The following VWA8 variants were observed in gnomAD, a reference collection of about 807,000 sequenced individuals.
The protein encoded by VWA8 is von Willebrand factor A domain containing 8.
Under a neutral mutation model 241.5 loss-of-function variants are expected in VWA8, and 221 were observed. That is an observed-to-expected ratio of 0.91 (90% confidence interval 0.82 to 1.02). The LOEUF is 1.02. VWA8 is among the 50% of genes least tolerant of loss of function. The pLI, the probability that VWA8 is intolerant of heterozygous loss-of-function variation, is 0.00. For missense variants in VWA8, 2,322 were observed against 2,328.7 expected (o/e 1.00, Z 0.06); for synonymous variants, 852 against 827.1 (o/e 1.03, Z -0.52).
intron 37 of VWA8, among the ~76,000 whole-genome samples, chr13:41,633,104 TAA>T (rs2044736170): frequency 6.6e-6 from 1 of 152,188 alleles, no homozygotes; most frequent in African/African-American, 2.4e-5. Context: ...ACACATGAAG[TAA>T]TCGTAATGTA....
At position 41,811,288 on chromosome 13, in the gene VWA8, C is replaced by T. The variant is rs753597681; in HGVS notation, c.2000G>A (p.Arg667His). 1.1e-5 allele frequency: 17 copies of T among 1,610,696 alleles called. No individual in the cohort carries two copies. Among genetic ancestry groups the T allele is most frequent in the South Asian group, 1.1e-5 (1 of 90,816 alleles). ...TTCATTAGGATACTGTGACAGCCGACGAGAAATTCGCAACAGTTGTCTGGT... is the reference window on the plus strand; with the variant it reads ...TTCATTAGGATACTGTGACAGCCGATGAGAAATTCGCAACAGTTGTCTGGT... ...LSTRQLLRIS[R>H]RLSQYPNENL... The change falls in exon 17 of 45, where the codon CGT (arginine) becomes CAT (histidine). Residue 667 changes from arginine to histidine, a missense_variant. By Grantham distance (29) the Arg-to-His change is conservative. Coordinates refer to ENST00000379310, the MANE Select transcript of VWA8 (RefSeq NM_015058.2).
chr13:41,854,946 T>C (rs1872677626), intron 12 of VWA8, among the ~76,000 whole-genome samples: 2 of 152,184 alleles, frequency 1.3e-5, no homozygotes, highest in Non-Finnish European at 2.9e-5. Flanking sequence ...TTGGGGAAAC[T>C]GCAAGTCATC....
chr13:41,571,773 G>A (rs1310635432), intron 43 of VWA8, among the ~76,000 whole-genome samples: 3 of 152,118 alleles, frequency 2.0e-5, no homozygotes, highest in East Asian at 3.9e-4. Flanking sequence ...CCGCCACCCC[G>A]TCTGGGAAGT....
intron 37 of VWA8, among the ~76,000 whole-genome samples, chr13:41,646,148 T>A (rs1231220418): frequency 6.6e-6 from 1 of 152,194 alleles, no homozygotes; most frequent in Non-Finnish European, 1.5e-5. Context: ...GTATTTTTAG[T>A]AGAGAAGGGG....
At chr13:41,635,344 G>A (rs2044750067) in intron 37 of VWA8, among the ~76,000 whole-genome samples, 1 of 152,100 alleles carries the variant, frequency 6.6e-6, no homozygotes, top group Non-Finnish European at 1.5e-5. Context: ...AGAAACATGA[G>A]TATGCTATTT....
chr13:41,826,251 A>C (rs78845834), intron 14 of VWA8, among the ~76,000 whole-genome samples: 2,264 of 152,272 alleles, frequency 0.015, 54 homozygotes, highest in African/African-American at 0.052. Flanking sequence ...TAAAAAGAAA[A>C]ATTACAGATA....
chr13:41,846,385 C>T (rs1176983223), intron 12 of VWA8, among the ~76,000 whole-genome samples: 1 of 152,142 alleles, frequency 6.6e-6, no homozygotes, highest in Admixed American at 6.5e-5. Flanking sequence ...AGGATGGCTA[C>T]AAAGTGAGGA....
intron 42 of VWA8, among the ~76,000 whole-genome samples, chr13:41,579,877 T>G (rs1222258106): frequency 2.0e-5 from 3 of 152,222 alleles, no homozygotes; most frequent in African/African-American, 4.8e-5. Flanking sequence ...AGACAGGGTC[T>G]TGCTCATTGG....
At chr13:41,948,080 A>G (rs996104468) in intron 2 of VWA8, among the ~76,000 whole-genome samples, 3 of 152,122 alleles carry the variant, frequency 2.0e-5, no homozygotes, top group African/African-American at 7.2e-5. Flanking sequence ...TTGCATATGG[A>G]TGCTTGGAGT....
Position 41,960,968 on chromosome 13 carries a change from G to A in VWA8, c.48C>T (p.Gly16=). The A allele has an allele frequency of 7.0e-7, 1 of 1,433,886 alleles. No homozygotes were observed. The highest frequency in any genetic ancestry group is 9.1e-7 in the Non-Finnish European group (1 of 1,102,772). 88.8% of individuals were successfully genotyped at this position (1,433,886 alleles called of 1,614,324 possible). A position where few individuals can be genotyped will look rare whatever the true frequency, so the allele number is the denominator to read the frequency against. ...GCAGCCGCATGCGCCGCGAGGCCGG[G>A]CCGCCGTGGCCTCCGGGTGCCCCGA... ...LLLGAPGGHG[G]PASRRMRLLL... The change falls in exon 1 of 45, where the codon GGC becomes GGT. Residue 16 remains glycine, a synonymous_variant. Coordinates refer to ENST00000379310, the MANE Select transcript of VWA8 (RefSeq NM_015058.2).
At chr13:41,687,494 G>A (rs975587780) in intron 34 of VWA8, among the ~76,000 whole-genome samples, 1 of 152,134 alleles carries the variant, frequency 6.6e-6, no homozygotes, top group Admixed American at 6.6e-5. Context: ...ATCCAAAGAA[G>A]TTCACATAAA....
At chr13:41,918,959 T>A (rs1248162367) in intron 2 of VWA8, among the ~76,000 whole-genome samples, 1 of 152,176 alleles carries the variant, frequency 6.6e-6, no homozygotes, top group Admixed American at 6.5e-5. Flanking sequence ...ATTTAGAGAC[T>A]AAACAGCATA....
intron 21 of VWA8, among the ~76,000 whole-genome samples, chr13:41,734,345 A>T (rs76324569): frequency 2.0e-5 from 3 of 152,170 alleles, no homozygotes. Context: ...CTAAAAAAAA[A>T]CAAATGGTGC....
chr13:41,609,551 T>A (rs1041313334), intron 39 of VWA8, among the ~76,000 whole-genome samples: 1 of 152,158 alleles, frequency 6.6e-6, no homozygotes, highest in Non-Finnish European at 1.5e-5. Context: ...TCATTATATG[T>A]TCCTCTCAAC....
At chr13:41,703,762 C>A (rs2045265475) in intron 26 of VWA8, among the ~76,000 whole-genome samples, 1 of 150,226 alleles carries the variant, frequency 6.7e-6, no homozygotes, top group Non-Finnish European at 1.5e-5. Flanking sequence ...AGCAATCTAT[C>A]AATTTTTTCA....
chr13:41,691,746 G>T, intron 31 of VWA8, 128 bp downstream of exon 31: 1 of 803,578 alleles, frequency 1.2e-6, no homozygotes, highest in Non-Finnish European at 2.0e-6. Context: ...ATGTGGGCAA[G>T]TTACTTTATA....
At chr13:41,574,783 G>A (rs2044340583) in intron 43 of VWA8, among the ~76,000 whole-genome samples, 1 of 152,142 alleles carries the variant, frequency 6.6e-6, no homozygotes. Context: ...TGGATGTGGT[G>A]AAAAGGGAAC....
intron 37 of VWA8, among the ~76,000 whole-genome samples, chr13:41,649,880 CA>C (rs2044858140): frequency 6.6e-6 from 1 of 152,134 alleles, no homozygotes; most frequent in Non-Finnish European, 1.5e-5. Flanking sequence ...AAGTTAGGTA[CA>C]AATTTAAGTG....
chr13:41,753,706 T>C (rs1156286391), intron 21 of VWA8, among the ~76,000 whole-genome samples: 2 of 152,298 alleles, frequency 1.3e-5, no homozygotes, highest in South Asian at 2.1e-4. Context: ...TTGTGTATGT[T>C]TGCTGACAGT....
Sources: gnomAD v4.1 joint callset for allele counts (sites outside exome capture counted in the v4.1 genomes callset) on GRCh38, gnomAD v4.1.1 for gene constraint, MANE v1.5 for transcripts, NCBI Gene and HGNC (gene_info 2026-07-23, HGNC 2026-07-21) for gene names.